The following PEMT variants were observed in gnomAD, a reference collection of about 807,000 sequenced individuals.
PEMT encodes the protein phosphatidylethanolamine N-methyltransferase.
In PEMT, 23 loss-of-function variants were observed where a neutral mutation model predicts 27.4. The observed-to-expected ratio is 0.84, with a 90% CI of 0.60 to 1.19. The LOEUF (loss-of-function observed/expected upper bound fraction) is 1.19, where lower values mean the gene tolerates loss of function less well. PEMT is among the 50% of genes most tolerant of loss of function. The pLI is 0.00. For synonymous variants in PEMT, 137 were observed against 139.1 expected, an observed-to-expected ratio of 0.98 and a Z score of 0.11; for missense variants, 307 against 310.1, an observed-to-expected ratio of 0.99 and a Z score of 0.07.
At chr17:17,548,765 G>T (rs1173091049) in intron 2 of PEMT, among the ~76,000 whole-genome samples, 1 of 152,182 alleles carries the variant, frequency 6.6e-6, no homozygotes, top group Non-Finnish European at 1.5e-5. Flanking sequence ...GGCTGGTCTT[G>T]AACTCCTGAC....
At position 17,512,551 on chromosome 17, in the gene PEMT, G is replaced by A; in HGVS notation, c.424C>T (p.Leu142Phe). ...ALLGLGVVLVLSSFFALGFAG... is the reference protein window; with the variant it reads ...ALLGLGVVLVFSSFFALGFAG... ...AACCCCAGTGCAAAGAAGCTGGAGA[G>A]CACGAGCACGACGCCCAGTCCCAGG... Residue 142 changes from leucine (L) to phenylalanine (F), a missense_variant, in exon 4 of 7, where the codon CTC becomes TTC. By Grantham distance (22) the Leu-to-Phe change is conservative. Coordinates refer to ENST00000255389, the MANE Select transcript of PEMT (RefSeq NM_148172.3). The surrounding 1 kb of genome is among the most constrained non-coding windows in gnomAD (Gnocchi z 6.3). The A allele has an allele frequency of 2.5e-6, 4 of 1,608,934 alleles. No individual in the cohort carries two copies. Among genetic ancestry groups the A allele is most frequent in the Non-Finnish European group, 3.4e-6 (4 of 1,177,604 alleles).
At chr17:17,506,417 C>G (rs1905852221) in intron 5 of PEMT, 116 bp from the exon 6 acceptor site, 1 of 688,864 alleles carries the variant, frequency 1.5e-6, no homozygotes, top group African/African-American at 1.8e-5. Flanking sequence ...CGACGCTGGG[C>G]CACTTGGGCC....
chr17:17,535,285 T>C (rs1567694280), intron 2 of PEMT, among the ~76,000 whole-genome samples: 1 of 152,196 alleles, frequency 6.6e-6, no homozygotes, highest in Non-Finnish European at 1.5e-5. Flanking sequence ...TCCTTACTTA[T>C]GGCCAGGCAT....
At chr17:17,572,058 T>G (rs1911243758) in intron 2 of PEMT, among the ~76,000 whole-genome samples, 2 of 152,250 alleles carry the variant, frequency 1.3e-5, no homozygotes, top group Middle Eastern at 3.4e-3. Context: ...AACCGAGCTC[T>G]TCCTCCACAA....
chr17:17,577,397 A>C, intron 1 of PEMT: 8 of 891,160 alleles, frequency 9.0e-6, no homozygotes, highest in Non-Finnish European at 1.1e-5. Flanking sequence ...ATAAATGTGA[A>C]GAGATGCTCA....
chr17:17,553,403 G>A (rs1909805001), intron 2 of PEMT, among the ~76,000 whole-genome samples: 2 of 152,210 alleles, frequency 1.3e-5, no homozygotes, highest in African/African-American at 4.8e-5. Flanking sequence ...TGTGGAGGCT[G>A]TGAGAAGCCG....
At chr17:17,579,728 T>C (rs1463211412) in intron 1 of PEMT, among the ~76,000 whole-genome samples, 1 of 152,154 alleles carries the variant, frequency 6.6e-6, no homozygotes, top group East Asian at 1.9e-4. Flanking sequence ...AAGGGATGAA[T>C]GAGCTGACAT....
chr17:17,540,147 G>A (rs1908780028), intron 2 of PEMT, among the ~76,000 whole-genome samples: 1 of 152,218 alleles, frequency 6.6e-6, no homozygotes, highest in South Asian at 2.1e-4. Flanking sequence ...GGGTGGGGAT[G>A]GGGCAGGGGC....
chr17:17,591,543 A>G lies in PEMT; in HGVS notation c.84T>C (p.Ile28=). 1 of 1,613,014 alleles carries G rather than the reference A, an allele frequency of 6.2e-7. No homozygotes were observed. The highest frequency in any genetic ancestry group is 8.5e-7 in the Non-Finnish European group (1 of 1,179,292). The change falls in exon 1 of 7, where the codon ATT becomes ATC. Residue 28 remains isoleucine, a synonymous_variant. Coordinates refer to ENST00000255389, the MANE Select transcript of PEMT (RefSeq NM_148172.3). ...GPDCCGGLGN[I]DFRQADFCVM... ...GTGCGGTCAGTACCTGTCTAAAATC[A>G]ATATTGCCGAGGCCTCCGCAGCAGT...
chr17:17,506,287 G>A lies in PEMT; in HGVS notation c.593C>T (p.Thr198Met), dbSNP rs570152739. 22 of 1,581,298 alleles carry A rather than the reference G, an allele frequency of 1.4e-5. No individual in the cohort carries two copies. Among genetic ancestry groups the A allele is most frequent in the Admixed American group, 3.6e-5 (2 of 55,890 alleles). The part of the protein sequence containing the change: ...LGWAIMHASP[T>M]GLLLTVLVAL... ...CACCAGCACCGTCAGGAGCAGGCCC[G>A]TGGGGCTGGCGTGCCTGAAAGGACA... The change falls in exon 6 of 7, where the codon ACG becomes ATG. Residue 198 changes from threonine (T) to methionine (M), a missense_variant. Thr to Met is a moderately conservative substitution (Grantham distance 81). Coordinates refer to ENST00000255389, the MANE Select transcript of PEMT (RefSeq NM_148172.3).
intron 2 of PEMT, among the ~76,000 whole-genome samples, chr17:17,539,329 A>G: frequency 6.6e-6 from 1 of 152,090 alleles, no homozygotes; most frequent in East Asian, 1.9e-4. Context: ...ATCAGGACAC[A>G]GCACTTCCAG....
intron 2 of PEMT, among the ~76,000 whole-genome samples, chr17:17,552,129 G>A (rs1909695929): frequency 6.6e-6 from 1 of 152,084 alleles, no homozygotes; most frequent in South Asian, 2.1e-4. Flanking sequence ...TTGAACCTGG[G>A]AGGTGGAGGT....
chr17:17,556,861 A>C (rs1479196709), intron 2 of PEMT, among the ~76,000 whole-genome samples: 1 of 152,172 alleles, frequency 6.6e-6, no homozygotes, highest in Non-Finnish European at 1.5e-5. Context: ...ATGCGTCTGC[A>C]GATGTCGTGG....
At chr17:17,569,303 G>A (rs1014892164) in intron 2 of PEMT, among the ~76,000 whole-genome samples, 1 of 152,140 alleles carries the variant, frequency 6.6e-6, no homozygotes, top group Non-Finnish European at 1.5e-5. Flanking sequence ...TTCCTCTCTG[G>A]AGCACATGTG....
rs7214367 is a variant in PEMT at position 17,554,600 on chromosome 17, A to T, written c.204+22320T>A. On this transcript the variant is annotated intron_variant, in intron 2 of 6. Transcript: ENST00000255389. Reference sequence around the variant, plus strand: ...GCCAGAGTGAATTCAGCAGATTTTTAAAATTTTTATTATTTTTATTTTTAA... The same window carrying T: ...GCCAGAGTGAATTCAGCAGATTTTTTAAATTTTTATTATTTTTATTTTTAA... Among the ~76,000 whole-genome samples, 1,319 of 152,250 alleles carry T rather than the reference A, an allele frequency of 8.7e-3. 22 individuals are homozygous for T. The highest frequency in any genetic ancestry group is 0.029 in the African/African-American group (1,215 of 41,562).
In PEMT at chr17:17,576,368, C is replaced by T. The variant is rs547113225; in HGVS notation, c.204+552G>A. Among the ~76,000 whole-genome samples the T allele has an allele frequency of 3.9e-5, 6 of 152,370 alleles. No homozygotes were observed. The South Asian group carries it at 8.3e-4, about 21-fold the overall frequency. Reference sequence around the variant, plus strand: ...TGGCACCCATCACGAGCTGGTGCCACGCTGGTGGCTTCCTTTCAACTCATG... The same window carrying T: ...TGGCACCCATCACGAGCTGGTGCCATGCTGGTGGCTTCCTTTCAACTCATG... On this transcript the variant is annotated intron_variant, in intron 2 of 6. Coordinates refer to ENST00000255389, the MANE Select transcript of PEMT (RefSeq NM_148172.3).
intron 3 of PEMT, among the ~76,000 whole-genome samples, chr17:17,517,149 A>AT (rs1478805905): frequency 6.6e-6 from 1 of 152,090 alleles, no homozygotes. Context: ...GCCTTGGGTG[A>AT]GCTCACACCC....
intron 3 of PEMT, chr17:17,518,005 C>G (rs1906970876): frequency 1.0e-6 from 1 of 985,470 alleles, no homozygotes; most frequent in Non-Finnish European, 1.2e-6. Flanking sequence ...TGATCGACAG[C>G]CACACTCCGA....
chr17:17,563,860 A>G (rs1160022434), intron 2 of PEMT, among the ~76,000 whole-genome samples: 19 of 152,130 alleles, frequency 1.2e-4, no homozygotes, highest in Admixed American at 1.2e-3. Context: ...GGAGTGGGGC[A>G]CAGTCTGCCC....
Sources: gnomAD v4.1 joint callset for allele counts (sites outside exome capture counted in the v4.1 genomes callset) on GRCh38, gnomAD v4.1.1 for gene constraint, Gnocchi (gnomAD v3.1) non-coding constraint, MANE v1.5 for transcripts, NCBI Gene and HGNC (gene_info 2026-07-23, HGNC 2026-07-21) for gene names.